Variants in TMEM266 observed in about 807,000 individuals in gnomAD.
TMEM266 encodes the protein transmembrane protein 266.
In TMEM266, 33 loss-of-function variants were observed where a neutral mutation model predicts 50.5. That is an observed-to-expected ratio of 0.65 (90% CI 0.50 to 0.87). The LOEUF (loss-of-function observed/expected upper bound fraction) is 0.87, where lower values mean the gene tolerates loss of function less well. Ranked by LOEUF, TMEM266 falls within the 40% of genes least tolerant of loss-of-function variation. TMEM266 has a pLI of 0.00. For missense variants in TMEM266, 655 were observed against 695.1 expected (o/e 0.94, Z 0.65); for synonymous variants, 310 against 292.3 (o/e 1.06, Z -0.62).
intron 1 of TMEM266, among the ~76,000 whole-genome samples, chr15:76,132,083 A>G (rs1200254568): frequency 6.6e-6 from 1 of 151,832 alleles, no homozygotes; most frequent in Non-Finnish European, 1.5e-5. Flanking sequence ...GCACTGGTTG[A>G]TAGAAAAGTA....
chr15:76,144,292 T>C (rs751900719), intron 3 of TMEM266, among the ~76,000 whole-genome samples: 1 of 152,174 alleles, frequency 6.6e-6, no homozygotes, highest in Non-Finnish European at 1.5e-5. Flanking sequence ...CAAGTACCAG[T>C]GGGTTCCAAG....
chr15:76,190,253 C>T (rs936488710), intron 8 of TMEM266, among the ~76,000 whole-genome samples: 1 of 152,176 alleles, frequency 6.6e-6, no homozygotes, highest in Admixed American at 6.5e-5. Context: ...GGCCCTGAGA[C>T]CAGCGCATGC....
intron 9 of TMEM266, among the ~76,000 whole-genome samples, chr15:76,193,838 C>T (rs1488433978): frequency 1.3e-5 from 2 of 152,248 alleles, no homozygotes; most frequent in East Asian, 3.8e-4. Flanking sequence ...ATTGTTTCTC[C>T]TCCAGGGACC....
chr15:76,072,066 G>A (rs778288664), intron 1 of TMEM266, among the ~76,000 whole-genome samples: 7 of 152,096 alleles, frequency 4.6e-5, no homozygotes, highest in African/African-American at 7.2e-5. Flanking sequence ...AGAAATAAAC[G>A]TATTTCCAGT....
intron 1 of TMEM266, among the ~76,000 whole-genome samples, chr15:76,073,595 A>T (rs1246346587): frequency 6.6e-6 from 1 of 152,220 alleles, no homozygotes; most frequent in African/African-American, 2.4e-5. Flanking sequence ...TAATTCACAC[A>T]GTGAGTTGGC....
chr15:76,075,899 C>T (rs1160677402), intron 1 of TMEM266, among the ~76,000 whole-genome samples: 1 of 118,822 alleles, frequency 8.4e-6, no homozygotes, highest in East Asian at 2.7e-4. Flanking sequence ...TTTTGTGTCC[C>T]GGGCTGGAGT....
chr15:76,189,712 C>A (rs548032216), intron 8 of TMEM266, among the ~76,000 whole-genome samples: 2 of 152,334 alleles, frequency 1.3e-5, no homozygotes, highest in Admixed American at 6.5e-5. Context: ...TGAGCTCCCC[C>A]ACCCTGCAAG....
chr15:76,196,852 T>A (rs1286216310), intron 9 of TMEM266, among the ~76,000 whole-genome samples: 1 of 149,154 alleles, frequency 6.7e-6, no homozygotes, highest in African/African-American at 2.5e-5. Context: ...AAATCATTTT[T>A]AAAACCTAGG....
chr15:76,188,658 T>C lies in TMEM266; in HGVS notation c.769-3310T>C, dbSNP rs149857146. 5.2e-3 allele frequency among the ~76,000 whole-genome samples: 792 copies of C among 152,200 alleles called. 8 individuals are homozygous for C. Among genetic ancestry groups the C allele is most frequent in the African/African-American group, 0.018 (733 of 41,526 alleles). On this transcript the variant is annotated intron_variant, in intron 8 of 10. Transcript: ENST00000388942. ...TCAGATCTTGTGAGAATTCACTCAC[T>C]ATCATGAGAAAGCATGGGAGTAACC...
At chr15:76,132,093 A>G (rs2037516987) in intron 1 of TMEM266, among the ~76,000 whole-genome samples, 1 of 151,504 alleles carries the variant, frequency 6.6e-6, no homozygotes, top group African/African-American at 2.4e-5. Context: ...ATAGAAAAGT[A>G]TATGCTGTTT....
chr15:76,081,766 C>T (rs1041557386), intron 1 of TMEM266, among the ~76,000 whole-genome samples: 6 of 152,180 alleles, frequency 3.9e-5, no homozygotes, highest in African/African-American at 1.4e-4. Context: ...GTTACATGGT[C>T]ACCACACTGC....
At chr15:76,177,110 C>T (rs527851307) in intron 8 of TMEM266, among the ~76,000 whole-genome samples, 5 of 152,222 alleles carry the variant, frequency 3.3e-5, no homozygotes, top group African/African-American at 1.2e-4. Flanking sequence ...CCTCCTCCCC[C>T]AGCCCTGCAG....
At chr15:76,096,002 C>G (rs2036915928) in intron 1 of TMEM266, among the ~76,000 whole-genome samples, 1 of 151,766 alleles carries the variant, frequency 6.6e-6, no homozygotes, top group South Asian at 2.1e-4. Context: ...TTGATTCTTT[C>G]TTTTCTTCTT....
chr15:76,118,923 T>G (rs2037293170), intron 1 of TMEM266, among the ~76,000 whole-genome samples: 1 of 152,186 alleles, frequency 6.6e-6, no homozygotes, highest in Non-Finnish European at 1.5e-5. Flanking sequence ...CCTCAACTCC[T>G]AGCTTAAAGC....
chr15:76,070,768 G>A (rs2036527585), intron 1 of TMEM266, among the ~76,000 whole-genome samples: 1 of 152,134 alleles, frequency 6.6e-6, no homozygotes, highest in African/African-American at 2.4e-5. Context: ...AAGACAATAT[G>A]TCCCCTCCCT....
intron 1 of TMEM266, chr15:76,113,440 T>G (rs1297846530): frequency 6.6e-6 from 1 of 152,352 alleles, no homozygotes; most frequent in African/African-American, 2.4e-5. Context: ...GAGCACAGTG[T>G]AGAGAAGGAT....
chr15:76,095,064 GA>G (rs1199099460), intron 1 of TMEM266, among the ~76,000 whole-genome samples: 1 of 152,012 alleles, frequency 6.6e-6, no homozygotes, highest in South Asian at 2.1e-4. Context: ...TGCAAACAGA[GA>G]CAATTTGACT....
At chr15:76,083,905 A>G (rs997131520) in intron 1 of TMEM266, among the ~76,000 whole-genome samples, 3 of 152,244 alleles carry the variant, frequency 2.0e-5, no homozygotes, top group African/African-American at 7.2e-5. Flanking sequence ...ATAATGTATT[A>G]TAATGCTTTG....
intron 1 of TMEM266, among the ~76,000 whole-genome samples, chr15:76,081,764 G>A (rs532139163): frequency 6.6e-6 from 1 of 152,138 alleles, no homozygotes. Context: ...CAGTTACATG[G>A]TCACCACACT....
Sources: allele counts gnomAD v4.1 joint callset (sites outside exome capture counted in the v4.1 genomes callset), GRCh38; gene constraint gnomAD v4.1.1; transcripts MANE v1.5; gene names NCBI Gene and HGNC (gene_info 2026-07-23, HGNC 2026-07-21).